Variants in KLF15 observed in about 807,000 individuals in gnomAD.
KLF15 encodes KLF transcription factor 15.
KLF15 carries 4 observed loss-of-function variants against 24.6 expected under a neutral mutation model. The ratio of observed to expected loss-of-function variants is 0.16; its 90% CI spans 0.08 to 0.37. The LOEUF is 0.37. KLF15 is among the 10% of genes least tolerant of loss of function. The probability of loss-of-function intolerance (pLI) is 1.00; values close to 1 mark genes in which losing one functional copy is unlikely to be tolerated. For missense variants in KLF15, 496 were observed against 560.6 expected (o/e 0.88, Z 1.16); for synonymous variants, 246 against 236.3 (o/e 1.04, Z -0.37).
At chr3:126,327,593 C>A in the KLF15 span, among the ~76,000 whole-genome samples, 1 of 152,058 alleles carries the variant, frequency 6.6e-6, no homozygotes, top group Non-Finnish European at 1.5e-5. Flanking sequence ...CTGTTGAGGT[C>A]TGCAGTCTTC....
At chr3:126,295,540 C>T in the KLF15 span, among the ~76,000 whole-genome samples, 200 of 152,284 alleles carry the variant, frequency 1.3e-3, 2 homozygotes, top group Non-Finnish European at 2.1e-3. Context: ...ATTCGTATCC[C>T]GAGTGCCATG....
the KLF15 span, among the ~76,000 whole-genome samples, chr3:126,295,573 TC>T: frequency 6.6e-6 from 1 of 151,842 alleles, no homozygotes; most frequent in Non-Finnish European, 1.5e-5. Flanking sequence ...CCTCCTCCCC[TC>T]CCCTGGCACC....
chr3:126,306,217 C>T, the KLF15 span, among the ~76,000 whole-genome samples: 1 of 152,160 alleles, frequency 6.6e-6, no homozygotes, highest in East Asian at 1.9e-4. Flanking sequence ...GCACCTCTCA[C>T]AGAGCACTTC....
chr3:126,347,540 T>C (rs541802190), intron 2 of KLF15, among the ~76,000 whole-genome samples: 2 of 152,356 alleles, frequency 1.3e-5, no homozygotes, highest in South Asian at 4.1e-4. Flanking sequence ...TTATTCATAT[T>C]CATATTCACT....
At chr3:126,301,959 T>C in the KLF15 span, among the ~76,000 whole-genome samples, 1 of 152,094 alleles carries the variant, frequency 6.6e-6, no homozygotes. Flanking sequence ...CCTAGTTTCT[T>C]AAGGTGAAAA....
chr3:126,352,556 G>C lies in KLF15; in HGVS notation c.367C>G (p.Pro123Ala), dbSNP rs201828211. 1 of 1,612,796 alleles carries C rather than the reference G, an allele frequency of 6.2e-7. No homozygotes were observed. The highest frequency in any genetic ancestry group is 8.5e-7 in the Non-Finnish European group (1 of 1,180,010). The change falls in exon 2 of 3, where the codon CCC becomes GCC. Residue 123 changes from proline (P) to alanine (A), a missense_variant. Transcript: ENST00000296233. ...TCAGGATCACCCAAAGGAAACTCGGGCAAGCAGAAATGCTCCCCCTTCACA... is the reference window on the plus strand; with the variant it reads ...TCAGGATCACCCAAAGGAAACTCGGCCAAGCAGAAATGCTCCCCCTTCACA... ...APVKGEHFCLPEFPLGDPDDV... is the reference protein window; with the variant it reads ...APVKGEHFCLAEFPLGDPDDV...
At chr3:126,294,282 C>T in the KLF15 span, among the ~76,000 whole-genome samples, 2 of 152,150 alleles carry the variant, frequency 1.3e-5, no homozygotes, top group Non-Finnish European at 2.9e-5. Context: ...CCCATCAACT[C>T]ACTGTTTTTC....
At chr3:126,304,415 C>A in the KLF15 span, among the ~76,000 whole-genome samples, 7 of 152,178 alleles carry the variant, frequency 4.6e-5, no homozygotes, top group South Asian at 2.1e-4. Flanking sequence ...GCTGTATCAG[C>A]CCCAGGCATT....
At chr3:126,320,590 C>T in the KLF15 span, among the ~76,000 whole-genome samples, 1 of 152,358 alleles carries the variant, frequency 6.6e-6, no homozygotes, top group Admixed American at 6.5e-5. Context: ...CATACAGATG[C>T]ACACACGAGC....
At chr3:126,316,130 C>A in the KLF15 span, among the ~76,000 whole-genome samples, 12 of 152,212 alleles carry the variant, frequency 7.9e-5, no homozygotes, top group East Asian at 3.8e-4. Context: ...GCCTGTAAAG[C>A]CTAAAACATT....
chr3:126,308,692 G>C, the KLF15 span, among the ~76,000 whole-genome samples: 1 of 152,192 alleles, frequency 6.6e-6, no homozygotes. Flanking sequence ...AGTGGAGTGA[G>C]ACTCCTACGT....
At chr3:126,318,161 C>G in the KLF15 span, among the ~76,000 whole-genome samples, 2 of 152,264 alleles carry the variant, frequency 1.3e-5, no homozygotes, top group East Asian at 1.9e-4. Context: ...CAACTCCTCC[C>G]ATGTTTTCAT....
chr3:126,309,682 G>T, the KLF15 span, among the ~76,000 whole-genome samples: 1 of 152,244 alleles, frequency 6.6e-6, no homozygotes, highest in Admixed American at 6.5e-5. Flanking sequence ...AATAAAAGGA[G>T]ATGGGTTCCT....
chr3:126,296,030 G>A, the KLF15 span, among the ~76,000 whole-genome samples: 1 of 152,236 alleles, frequency 6.6e-6, no homozygotes, highest in South Asian at 2.1e-4. Flanking sequence ...CATTGCTGTT[G>A]TCCCTGTACG....
chr3:126,310,338 G>C, the KLF15 span, among the ~76,000 whole-genome samples: 1 of 152,250 alleles, frequency 6.6e-6, no homozygotes, highest in African/African-American at 2.4e-5. Context: ...CTGGCTGCAG[G>C]CTATGGCCCC....
At chr3:126,300,132 G>A in the KLF15 span, among the ~76,000 whole-genome samples, 2 of 152,176 alleles carry the variant, frequency 1.3e-5, no homozygotes, top group African/African-American at 2.4e-5. Context: ...CTGGGGACCC[G>A]GGGACTTCAG....
At chr3:126,331,754 G>T in the KLF15 span, among the ~76,000 whole-genome samples, 1 of 152,224 alleles carries the variant, frequency 6.6e-6, no homozygotes, top group African/African-American at 2.4e-5. Flanking sequence ...CAGGCCAGTG[G>T]GTGCATGCAC....
chr3:126,321,606 A>C, the KLF15 span, among the ~76,000 whole-genome samples: 1 of 152,216 alleles, frequency 6.6e-6, no homozygotes, highest in African/African-American at 2.4e-5. Context: ...CTCTGTGAAG[A>C]TGGACAGAAC....
At chr3:126,297,455 A>G in the KLF15 span, among the ~76,000 whole-genome samples, 1 of 152,154 alleles carries the variant, frequency 6.6e-6, no homozygotes, top group Non-Finnish European at 1.5e-5. Flanking sequence ...AATCCAGTAT[A>G]TTCTTTTTTT....
Sources: gnomAD v4.1 joint callset for allele counts (sites outside exome capture counted in the v4.1 genomes callset) on GRCh38, gnomAD v4.1.1 for gene constraint, MANE v1.5 for transcripts, NCBI Gene and HGNC (gene_info 2026-07-23, HGNC 2026-07-21) for gene names.